ROBO1: variants seen among roughly 807,000 people sequenced by gnomAD.
The protein encoded by ROBO1 is roundabout guidance receptor 1.
In ROBO1, 149 loss-of-function variants were observed where a neutral mutation model predicts 195.9. That is an observed-to-expected ratio of 0.76 (90% confidence interval 0.67 to 0.87). ROBO1 has a LOEUF of 0.87. Ranked by LOEUF, ROBO1 falls within the 40% of genes least tolerant of loss-of-function variation. ROBO1 has a pLI of 0.00. For missense variants in ROBO1, 1,933 were observed against 2,068.3 expected, an observed-to-expected ratio of 0.93 and a Z score of 1.27; for synonymous variants, 816 against 733.2, an observed-to-expected ratio of 1.11 and a Z score of -1.82.
intron 2 of ROBO1, among the ~76,000 whole-genome samples, chr3:79,518,926 C>T (rs1357272269): frequency 6.6e-6 from 1 of 151,782 alleles, no homozygotes; most frequent in South Asian, 2.1e-4. Context: ...GTGATCCACC[C>T]GCCTCAGCCT....
At chr3:79,606,497 C>G (rs1225950721) in intron 1 of ROBO1, among the ~76,000 whole-genome samples, 2 of 151,942 alleles carry the variant, frequency 1.3e-5, no homozygotes, top group Admixed American at 1.3e-4. Flanking sequence ...AGGCTGGACT[C>G]TGACTCCTAG....
chr3:79,586,704 A>T (rs1382692610), intron 2 of ROBO1, among the ~76,000 whole-genome samples: 2 of 151,660 alleles, frequency 1.3e-5, no homozygotes, highest in Non-Finnish European at 1.5e-5. Flanking sequence ...ACTATATGTG[A>T]AATATATGCT....
chr3:79,285,647 C>T (rs531638841), intron 2 of ROBO1, among the ~76,000 whole-genome samples: 1 of 152,220 alleles, frequency 6.6e-6, no homozygotes, highest in Admixed American at 6.5e-5. Flanking sequence ...CTTAACTCTG[C>T]AGAAGTTTTG....
rs550690095 is a variant in ROBO1 at position 79,500,008 on chromosome 3, G to A, written c.88+89816C>T. ...TTTTTACTAGAGATGGGGTTACACC[G>A]TATTAGTCAGGCTGCTTTCAAACTC... On this transcript the variant is annotated intron_variant, in intron 2 of 30. Coordinates refer to ENST00000464233, the MANE Select transcript of ROBO1 (RefSeq NM_002941.4). 2.7e-5 allele frequency among the ~76,000 whole-genome samples: 4 copies of A among 150,938 alleles called. No individual in the cohort carries two copies. In the South Asian group the frequency reaches 8.4e-4, roughly 32 times the overall value.
chr3:79,615,322 T>C (rs1200902071), intron 1 of ROBO1, among the ~76,000 whole-genome samples: 2 of 152,312 alleles, frequency 1.3e-5, no homozygotes, highest in South Asian at 2.1e-4. Context: ...AATCTACCTA[T>C]GACCTAGAAG....
At chr3:78,869,893 A>G (rs1328795584) in intron 4 of ROBO1, among the ~76,000 whole-genome samples, 1 of 152,210 alleles carries the variant, frequency 6.6e-6, no homozygotes, top group Non-Finnish European at 1.5e-5. Context: ...ACACATAGTA[A>G]GCACTAGAAA....
At chr3:78,846,974 T>C (rs1287945107) in intron 4 of ROBO1, among the ~76,000 whole-genome samples, 1 of 152,124 alleles carries the variant, frequency 6.6e-6, no homozygotes, top group Non-Finnish European at 1.5e-5. Context: ...CTGCTACAGC[T>C]GGCCTGCTCA....
At chr3:79,088,852 G>A (rs1189111137) in intron 3 of ROBO1, among the ~76,000 whole-genome samples, 1 of 151,966 alleles carries the variant, frequency 6.6e-6, no homozygotes, top group Non-Finnish European at 1.5e-5. Context: ...ATGTATTTGT[G>A]TTTTGCAATG....
chr3:78,745,516 A>C (rs925633161), intron 5 of ROBO1, among the ~76,000 whole-genome samples: 4 of 152,274 alleles, frequency 2.6e-5, no homozygotes, highest in African/African-American at 9.6e-5. Flanking sequence ...TTGTACATGA[A>C]TCCAAAAGGA....
At chr3:79,425,108 C>T (rs868107991) in intron 2 of ROBO1, among the ~76,000 whole-genome samples, 1 of 152,124 alleles carries the variant, frequency 6.6e-6, no homozygotes, top group Non-Finnish European at 1.5e-5. Flanking sequence ...GGGTGGCCTG[C>T]ATGTGATTTC....
At chr3:78,709,786 G>A (rs1250073929) in intron 8 of ROBO1, among the ~76,000 whole-genome samples, 1 of 152,158 alleles carries the variant, frequency 6.6e-6, no homozygotes, top group East Asian at 1.9e-4. Flanking sequence ...ATTTTACAGA[G>A]AGAAACAGAG....
chr3:79,573,109 G>A (rs898608274), intron 2 of ROBO1, among the ~76,000 whole-genome samples: 1 of 152,114 alleles, frequency 6.6e-6, no homozygotes, highest in Admixed American at 6.5e-5. Flanking sequence ...GAGTGCAGCG[G>A]CGAGATCATG....
chr3:78,623,957 C>A (rs565903696), intron 26 of ROBO1, among the ~76,000 whole-genome samples: 1 of 152,118 alleles, frequency 6.6e-6, no homozygotes, highest in South Asian at 2.1e-4. Flanking sequence ...ATCAAGGGAT[C>A]AAGAGGAGAC....
intron 23 of ROBO1, among the ~76,000 whole-genome samples, chr3:78,635,419 T>C (rs1705435567): frequency 6.6e-6 from 1 of 152,174 alleles, no homozygotes; most frequent in African/African-American, 2.4e-5. Context: ...TCTTCCATCC[T>C]CTAGTGGAAA....
intron 2 of ROBO1, among the ~76,000 whole-genome samples, chr3:79,296,469 A>T (rs969720739): frequency 1.3e-5 from 2 of 152,188 alleles, no homozygotes; most frequent in Admixed American, 1.3e-4. Flanking sequence ...TCTAGAAGGA[A>T]ATATTTAAAA....
chr3:79,393,425 T>A (rs2037028530), intron 2 of ROBO1, among the ~76,000 whole-genome samples: 2 of 152,224 alleles, frequency 1.3e-5, no homozygotes, highest in Admixed American at 6.5e-5. Context: ...CTTAAAAGAA[T>A]AGACTATAAA....
At chr3:78,834,400 T>G (rs1336488722) in intron 4 of ROBO1, among the ~76,000 whole-genome samples, 1 of 150,034 alleles carries the variant, frequency 6.7e-6, no homozygotes, top group Non-Finnish European at 1.5e-5. Context: ...AAGGAAAGAA[T>G]AACTTGATGG....
chr3:79,410,582 TTAAAGGAGAAAGA>T (rs1214092267), intron 2 of ROBO1, among the ~76,000 whole-genome samples: 1 of 121,786 alleles, frequency 8.2e-6, no homozygotes, highest in African/African-American at 3.2e-5. Context: ...AAACAAGAGA[TTAAAGGAGAAAGA>T]GGAAGAAGAA....
chr3:79,724,162 T>A (rs1702814818), intron 1 of ROBO1, among the ~76,000 whole-genome samples: 1 of 152,194 alleles, frequency 6.6e-6, no homozygotes, highest in African/African-American at 2.4e-5. Context: ...CCTGTTATAG[T>A]AGTGTTTTGT....
Sources: gnomAD v4.1 joint callset for allele counts (sites outside exome capture counted in the v4.1 genomes callset) on GRCh38, gnomAD v4.1.1 for gene constraint, MANE v1.5 for transcripts, NCBI Gene and HGNC (gene_info 2026-07-23, HGNC 2026-07-21) for gene names.